The following MGST2 variants were observed in gnomAD, a reference collection of about 807,000 sequenced individuals.
MGST2 encodes microsomal glutathione S-transferase 2.
MGST2 carries 9 observed loss-of-function variants against 16.6 expected under a neutral mutation model. The ratio of observed to expected loss-of-function variants is 0.54; its 90% CI spans 0.33 to 0.95. MGST2 has a LOEUF of 0.95. Among genes scored for constraint, MGST2 ranks in the 40% least tolerant of loss-of-function variants. MGST2 has a pLI of 0.03. For missense variants in MGST2, 159 were observed against 175.1 expected (o/e 0.91, Z 0.52); for synonymous variants, 79 against 68.0 (o/e 1.16, Z -0.79).
intron 2 of MGST2, among the ~76,000 whole-genome samples, chr4:139,692,316 C>T (rs893135581): frequency 6.6e-6 from 1 of 152,248 alleles, no homozygotes; most frequent in Admixed American, 6.5e-5. Context: ...ACCTGCTGCT[C>T]ACCCAGGATC....
intron 2 of MGST2, among the ~76,000 whole-genome samples, chr4:139,691,210 C>T (rs1288430214): frequency 1.2e-4 from 18 of 152,196 alleles, no homozygotes; most frequent in Admixed American, 8.5e-4. Context: ...ATCAACTCTA[C>T]CCCCTGTTCT....
rs1560747729 is a variant in MGST2 at position 139,691,678 on chromosome 4, TGA to T, written c.159-3518_159-3517del. Among the ~76,000 whole-genome samples the T allele has an allele frequency of 0.014, 1,944 of 142,746 alleles. 70 individuals carry two copies. In the East Asian group the frequency reaches 0.14, roughly 10 times the overall value. The allele number at this position is 142,746 out of a possible 152,430, so 93.6% of individuals were successfully genotyped here. The stretch of plus-strand genomic sequence containing the variant: ...CCCACTGGCAGTCAGATGATGATGA[TGA>T]TGATGATGATGATGATGATTATTAT... On this transcript the variant is annotated intron_variant, in intron 2 of 4. Coordinates refer to ENST00000265498, the MANE Select transcript of MGST2 (RefSeq NM_002413.5).
intron 5 of MGST2, among the ~76,000 whole-genome samples, chr4:139,722,755 G>C (rs76353954): frequency 0.017 from 2,604 of 152,180 alleles, 61 homozygotes; most frequent in African/African-American, 0.059. Flanking sequence ...TGAGAGTATG[G>C]GATAGGTTCT....
At chr4:139,708,802 A>T (rs1417750114), downstream of MGST2, among the ~76,000 whole-genome samples, 1 of 152,042 alleles carries the variant, frequency 6.6e-6, no homozygotes, top group Non-Finnish European at 1.5e-5. Context: ...CAAGAGTTTG[A>T]GACCAGCCTG....
chr4:139,673,689 C>T (rs1251528309), intron 1 of MGST2, among the ~76,000 whole-genome samples: 1 of 152,162 alleles, frequency 6.6e-6, no homozygotes, highest in Non-Finnish European at 1.5e-5. Context: ...GCTGGAATTA[C>T]AGGTGTGAAC....
In MGST2 at chr4:139,715,057, C is replaced by T. The variant is rs572638055; in HGVS notation, c.*48+10861C>T. On this transcript the variant is annotated intron_variant, in intron 5 of 5. Coordinates refer to the MGST2 transcript ENST00000616265. This position sits in a 1 kb window ranked among gnomAD's most constrained non-coding sequence, Gnocchi z 4.4. ...CTTTACCGAAGAGGGGCCTCTAACC[C>T]GCTAAATCTTAGAAGGGACTCTAAC... is the stretch of plus-strand genomic sequence containing the variant. Among the ~76,000 whole-genome samples the T allele has an allele frequency of 1.3e-5, 2 of 152,170 alleles. No homozygotes were observed. Among genetic ancestry groups the T allele is most frequent in the African/African-American group, 2.4e-5 (1 of 41,432 alleles).
downstream of MGST2, among the ~76,000 whole-genome samples, chr4:139,744,082 C>A (rs781203197): frequency 7.9e-5 from 12 of 152,292 alleles, no homozygotes; most frequent in South Asian, 4.1e-4. Flanking sequence ...ATCCTGTAGT[C>A]AGATGCACAA....
At chr4:139,736,154 C>G (rs1158758962) in intron 5 of MGST2, among the ~76,000 whole-genome samples, 1 of 152,032 alleles carries the variant, frequency 6.6e-6, no homozygotes, top group Non-Finnish European at 1.5e-5. Context: ...TGAATTGGGT[C>G]AAGTAAAAAA....
intron 1 of MGST2, among the ~76,000 whole-genome samples, chr4:139,668,143 T>G (rs1308649379): frequency 2.6e-5 from 4 of 152,210 alleles, no homozygotes; most frequent in Admixed American, 2.6e-4. Context: ...ATTTTCTGAT[T>G]GGCAATTGAT....
intron 2 of MGST2, among the ~76,000 whole-genome samples, chr4:139,683,385 C>A (rs1731371165): frequency 6.6e-6 from 1 of 152,138 alleles, no homozygotes; most frequent in South Asian, 2.1e-4. Flanking sequence ...TTGCGATGAT[C>A]TGAGATGGAG....
At chr4:139,666,625 C>T (rs1730369742) in intron 1 of MGST2, among the ~76,000 whole-genome samples, 1 of 152,136 alleles carries the variant, frequency 6.6e-6, no homozygotes, top group Admixed American at 6.5e-5. Context: ...AAAACAGCTT[C>T]CCACTAGGAT....
chr4:139,725,905 C>T (rs1002168861), intron 5 of MGST2: 2 of 1,295,938 alleles, frequency 1.5e-6, no homozygotes, highest in Admixed American at 1.8e-5. Flanking sequence ...AATATCCCAG[C>T]AGTTCCGAGG....
Position 139,704,236 on chromosome 4 carries a change from A to G in MGST2, c.*88A>G. The G allele has an allele frequency of 6.6e-7, 1 of 1,513,810 alleles. No homozygotes were observed. Among genetic ancestry groups the G allele is most frequent in the Non-Finnish European group, 9.1e-7 (1 of 1,094,164 alleles). 93.8% of individuals were successfully genotyped at this position (1,513,810 alleles called of 1,614,324 possible). ...TTTGTTAAATAAAAATAAAGTCTTT[A>G]TTCTGTTTTTCTTGAAATGGCTTTG... On this transcript the variant is annotated 3_prime_UTR_variant, in exon 5 of 5. Transcript: ENST00000265498.
intron 3 of MGST2, among the ~76,000 whole-genome samples, chr4:139,699,625 A>G (rs1266885125): frequency 6.6e-6 from 1 of 152,196 alleles, no homozygotes; most frequent in Non-Finnish European, 1.5e-5. Context: ...AATCCAATAT[A>G]TTTATTTGAA....
At chr4:139,709,879 A>T (rs191366229) in intron 5 of MGST2, among the ~76,000 whole-genome samples, 1 of 152,282 alleles carries the variant, frequency 6.6e-6, no homozygotes, top group East Asian at 1.9e-4. Flanking sequence ...AATTACCTCC[A>T]CCTGTTGCAT....
At chr4:139,667,931 T>A (rs1055766049) in intron 1 of MGST2, among the ~76,000 whole-genome samples, 1 of 152,102 alleles carries the variant, frequency 6.6e-6, no homozygotes, top group Non-Finnish European at 1.5e-5. Context: ...GAGCCAAACA[T>A]GAGGGACGAG....
intron 3 of MGST2, among the ~76,000 whole-genome samples, chr4:139,702,312 A>C (rs1442270605): frequency 6.6e-6 from 1 of 152,178 alleles, no homozygotes; most frequent in Non-Finnish European, 1.5e-5. Context: ...AACCACCCAG[A>C]AAGTGTCCTC....
intron 5 of MGST2, among the ~76,000 whole-genome samples, chr4:139,724,990 C>T (rs1728407105): frequency 6.6e-6 from 1 of 152,132 alleles, no homozygotes; most frequent in Admixed American, 6.5e-5. Flanking sequence ...AACTCCTGGC[C>T]TCAAGTGATC....
intron 2 of MGST2, among the ~76,000 whole-genome samples, chr4:139,688,247 G>A: frequency 6.6e-6 from 1 of 151,740 alleles, no homozygotes; most frequent in South Asian, 2.1e-4. Flanking sequence ...TAGAAATTTT[G>A]GTTCTCTTTA....
Sources: gnomAD v4.1 joint callset for allele counts (sites outside exome capture counted in the v4.1 genomes callset) on GRCh38, gnomAD v4.1.1 for gene constraint, Gnocchi (gnomAD v3.1) non-coding constraint, MANE v1.5 for transcripts, NCBI Gene and HGNC (gene_info 2026-07-23, HGNC 2026-07-21) for gene names.